Variants in MCIDAS observed in about 807,000 individuals in gnomAD.
The protein encoded by MCIDAS is multicilin.
Under a neutral mutation model 35.4 loss-of-function variants are expected in MCIDAS, and 23 were observed. That is an observed-to-expected ratio of 0.65 (90% CI 0.47 to 0.92). MCIDAS has a LOEUF of 0.92. Among genes scored for constraint, MCIDAS ranks in the 40% least tolerant of loss-of-function variants. The pLI, the probability that MCIDAS is intolerant of heterozygous loss-of-function variation, is 0.00. For synonymous variants in MCIDAS, 228 were observed against 235.2 expected (o/e 0.97, Z 0.28); for missense variants, 480 against 531.8 (o/e 0.90, Z 0.96).
In MCIDAS at chr5:55,223,388, C is replaced by T. The variant is rs1745398033; in HGVS notation, c.310-365G>A. 6.6e-6 allele frequency among the ~76,000 whole-genome samples: 1 copy of T among 152,194 alleles called. No individual in the cohort carries two copies. Among genetic ancestry groups the T allele is most frequent in the Admixed American group, 6.5e-5 (1 of 15,280 alleles). On this transcript the variant is annotated intron_variant, in intron 3 of 6. Coordinates refer to ENST00000513312, the MANE Select transcript of MCIDAS (RefSeq NM_001190787.3). This position sits in a 1 kb window ranked among gnomAD's most constrained non-coding sequence, Gnocchi z 4.4. The stretch of plus-strand genomic sequence containing the variant: ...TGACTGGGGGAAGGGGGCAGCAGTT[C>T]GCGGCTCCTGCAGAGCAGCTGCGTG...
Position 55,222,157 on chromosome 5 carries a change from G to A in MCIDAS, c.606+19C>T, listed in dbSNP as rs1314198754. 1 of 1,532,372 alleles carries A rather than the reference G, an allele frequency of 6.5e-7. No homozygotes were observed. Among genetic ancestry groups the A allele is most frequent in the Admixed American group, 2.0e-5 (1 of 50,986 alleles). The allele number at this position is 1,532,372 out of a possible 1,614,324, so 94.9% of individuals were successfully genotyped here. The stretch of plus-strand genomic sequence containing the variant: ...TGTCCCTGCCCCAGGATTCCTGGTC[G>A]CCAGACCAGTGTCCCTACTTGATTA... On this transcript the variant is annotated intron_variant, in intron 5 of 6. Transcript: ENST00000513312.
rs1179444834 is a variant in MCIDAS at position 55,220,760 on chromosome 5, G to A, written c.764C>T (p.Pro255Leu). The change falls in exon 7 of 7, where the codon CCC (proline) becomes CTC (leucine). Residue 255 changes from proline to leucine, a missense_variant. Transcript: ENST00000513312. ...QSRDCGAAAE[P>L]FLLKAKAKRS... ...TTTGGCCTTCGCCTTGAGCAGGAAGGGCTCGGCCGCCGCCCCACAATCCCG... is the reference window on the plus strand; with the variant it reads ...TTTGGCCTTCGCCTTGAGCAGGAAGAGCTCGGCCGCCGCCCCACAATCCCG... The A allele has an allele frequency of 6.5e-7, 1 of 1,534,054 alleles. No individual in the cohort carries two copies. The highest frequency in any genetic ancestry group is 1.2e-5 in the South Asian group (1 of 84,034).
chr5:55,222,536 T>G (rs1335258043), intron 4 of MCIDAS, 137 bp from the exon 5 acceptor site: 1 of 696,582 alleles, frequency 1.4e-6, no homozygotes, highest in African/African-American at 1.8e-5. Context: ...CCTAAACGCC[T>G]GATTACGAGG....
chr5:55,220,430 T>G lies in MCIDAS; in HGVS notation c.1094A>C (p.Gln365Pro). 1 of 1,536,076 alleles carries G rather than the reference T, an allele frequency of 6.5e-7. No homozygotes were observed. The highest frequency in any genetic ancestry group is 8.7e-7 in the Non-Finnish European group (1 of 1,146,902). ...TGTTCTGATGGTGAAGGCATTGCCC[T>G]GGGGGAAGGCGAGGGTGCGGATGGT... ...HSTIRTLAFP[Q>P]GNAFTIRTAN... Residue 365 changes from glutamine (Q) to proline (P), a missense_variant, in exon 7 of 7, where the codon CAG (glutamine) becomes CCG (proline). Transcript: ENST00000513312.
At position 55,223,462 on chromosome 5, in the gene MCIDAS, CG is replaced by C. The variant is rs1561116089; in HGVS notation, c.310-440del. ...CGGTGCGGCGGCCCTGCGCCGGCTC[CG>C]GGCAGCCGAGTAGCCCGCCACCCAC... On this transcript the variant is annotated intron_variant, in intron 3 of 6. Coordinates refer to ENST00000513312, the MANE Select transcript of MCIDAS (RefSeq NM_001190787.3). The surrounding 1 kb of genome is among the most constrained non-coding windows in gnomAD (Gnocchi z 4.4). Among the ~76,000 whole-genome samples the C allele has an allele frequency of 6.6e-6, 1 of 152,192 alleles. No individual in the cohort carries two copies. The highest frequency in any genetic ancestry group is 6.5e-5 in the Admixed American group (1 of 15,288).
rs1426671309 is a variant in MCIDAS, at chr5:55,223,813, C to A, written c.310-790G>T. The stretch of plus-strand genomic sequence containing the variant: ...CACAGCCAGTGCGGCCTCCATTGCT[C>A]TTTCAGTTTCCCAAAAAGTTGGGAG... On this transcript the variant is annotated intron_variant, in intron 3 of 6. Coordinates refer to ENST00000513312, the MANE Select transcript of MCIDAS (RefSeq NM_001190787.3). The surrounding 1 kb of genome is among the most constrained non-coding windows in gnomAD (Gnocchi z 4.4). Among the ~76,000 whole-genome samples, 1 of 152,192 alleles carries A rather than the reference C, an allele frequency of 6.6e-6. No individual in the cohort carries two copies. Among genetic ancestry groups the A allele is most frequent in the East Asian group, 1.9e-4 (1 of 5,176 alleles).
chr5:55,227,124 C>A lies in MCIDAS; in HGVS notation c.15G>T (p.Gly5=). Residue 5 remains glycine, a synonymous_variant, in exon 1 of 7, where the codon GGG becomes GGT. Coordinates refer to ENST00000513312, the MANE Select transcript of MCIDAS (RefSeq NM_001190787.3). ...AGGCCCGACGGCCGGCCGCGCCGCC[C>A]CCGCACGCCTGCATTGTGCCTCCTG... MQAC[G]GGAAGRRAFD... 1 of 1,475,430 alleles carries A rather than the reference C, an allele frequency of 6.8e-7. No homozygotes were observed. The highest frequency in any genetic ancestry group is 8.9e-7 in the Non-Finnish European group (1 of 1,121,108). 91.4% of individuals were successfully genotyped at this position (1,475,430 alleles called of 1,614,324 possible).
intron 3 of MCIDAS, among the ~76,000 whole-genome samples, chr5:55,224,298 AC>A (rs1353073962): frequency 6.6e-6 from 1 of 152,004 alleles, no homozygotes; most frequent in African/African-American, 2.4e-5. Context: ...TACTGAATGC[AC>A]TGTTGATTCA....
At chr5:55,226,985 G>A in intron 1 of MCIDAS, 34 bp downstream of exon 1, 1 of 1,508,130 alleles carries the variant, frequency 6.6e-7, no homozygotes, top group African/African-American at 1.4e-5. Flanking sequence ...CACCGAGCGC[G>A]CAGACCCCGC....
rs1580406469 is a variant in MCIDAS, at chr5:55,226,879, G to T, written c.173C>A (p.Ser58Ter). The change falls in exon 2 of 7, where the codon TCG (serine) becomes TAG (stop). Residue 58 changes from serine to a stop codon, truncating the protein, a stop_gained. Coordinates refer to ENST00000513312, the MANE Select transcript of MCIDAS (RefSeq NM_001190787.3). LOFTEE classifies it high-confidence loss of function. Reference protein sequence around the residue: ...FPGCTGGSPVSVYEDPPDAEP... With the variant: ...FPGCTGGSPV ...GGCGTCCGGGGGATCCTCGTACACC[G>T]ACACCGGGCTCCCGCCTGTGCATCC... The T allele has an allele frequency of 1.4e-6, 2 of 1,408,916 alleles. No homozygotes were observed. The highest frequency in any genetic ancestry group is 1.8e-6 in the Non-Finnish European group (2 of 1,087,564). 87.3% of individuals were successfully genotyped at this position (1,408,916 alleles called of 1,614,324 possible). A position where few individuals can be genotyped will look rare whatever the true frequency, so the allele number is the denominator to read the frequency against.
Position 55,220,358 on chromosome 5 carries a change from A to G in MCIDAS, c.*8T>C, listed in dbSNP as rs117929787. On this transcript the variant is annotated 3_prime_UTR_variant, in exon 7 of 7. Transcript: ENST00000513312. ...ACAGGGCAGTGTTTTGGGGGACCAC[A>G]TCACAGCTCAACTGGGGACCCAGCG... 13,846 of 1,529,672 alleles carry G rather than the reference A, an allele frequency of 9.1e-3. 117 individuals carry two copies. The highest frequency in any genetic ancestry group is 0.054 in the East Asian group (2,211 of 40,786). 94.8% of individuals were successfully genotyped at this position (1,529,672 alleles called of 1,614,324 possible). A position where few individuals can be genotyped will look rare whatever the true frequency, so the allele number is the denominator to read the frequency against.
intron 5 of MCIDAS, 56 bp from the exon 6 acceptor site, chr5:55,221,182 A>G: frequency 7.8e-7 from 1 of 1,289,722 alleles, no homozygotes; most frequent in Non-Finnish European, 1.1e-6. Flanking sequence ...TCTCGTCTGC[A>G]TATCTGGCAT....
intron 3 of MCIDAS, among the ~76,000 whole-genome samples, chr5:55,225,447 A>G (rs1622010): frequency 0.32 from 48,571 of 152,042 alleles, 7,987 homozygotes; most frequent in East Asian, 0.45. Context: ...GTTGGAAGAT[A>G]CTCAGGCATT....
At chr5:55,221,892 T>C (rs1745363655) in intron 5 of MCIDAS, among the ~76,000 whole-genome samples, 1 of 151,626 alleles carries the variant, frequency 6.6e-6, no homozygotes. Flanking sequence ...GCCACTGCAC[T>C]CCAGCCTGGG....
Position 55,227,071 on chromosome 5 carries a change from A to C in MCIDAS, c.68T>G (p.Leu23Arg), listed in dbSNP as rs1394102512. ...AFDSICPNRMLALPGRALLCK... is the reference protein window; with the variant it reads ...AFDSICPNRMRALPGRALLCK... ...GAGCAGCGCCCGGCCCGGCAGTGCC[A>C]GCATTCTGTTGGGGCAGATGCTGTC... Residue 23 changes from leucine (L) to arginine (R), a missense_variant, in exon 1 of 7, where the codon CTG (leucine) becomes CGG (arginine). Transcript: ENST00000513312. 3.3e-6 allele frequency: 5 copies of C among 1,520,302 alleles called. No individual in the cohort carries two copies. The highest frequency in any genetic ancestry group is 4.4e-6 in the Non-Finnish European group (5 of 1,140,668). 94.2% of individuals were successfully genotyped at this position (1,520,302 alleles called of 1,614,324 possible).
In MCIDAS at chr5:55,226,925, G is replaced by C. The variant is rs1374406836; in HGVS notation, c.127C>G (p.Pro43Ala). 2 of 1,439,008 alleles carry C rather than the reference G, an allele frequency of 1.4e-6. No homozygotes were observed. Among genetic ancestry groups the C allele is most frequent in the African/African-American group, 3.0e-5 (2 of 67,210 alleles). 89.1% of individuals were successfully genotyped at this position (1,439,008 alleles called of 1,614,324 possible). A position where few individuals can be genotyped will look rare whatever the true frequency, so the allele number is the denominator to read the frequency against. ...CATCCGGGGAAGAACTTCCGCGGAG[G>C]AGCGAACTGGCCGGGCACACAAACG... Reference protein sequence around the residue: ...KPGKPERKFAPPRKFFPGCTG... With the variant: ...KPGKPERKFAAPRKFFPGCTG... Residue 43 changes from proline (P) to alanine (A), a missense_variant, in exon 2 of 7, where the codon CCT becomes GCT. Coordinates refer to ENST00000513312, the MANE Select transcript of MCIDAS (RefSeq NM_001190787.3).
At position 55,226,612 on chromosome 5, in the gene MCIDAS, G is replaced by A. The variant is rs1313433366; in HGVS notation, c.273C>T (p.Ser91=). The change falls in exon 3 of 7, where the codon TCC becomes TCT. Residue 91 remains serine, a synonymous_variant. Coordinates refer to ENST00000513312, the MANE Select transcript of MCIDAS (RefSeq NM_001190787.3). ...DLADCSSLLG[S]DAPPGGDLAA... is the part of the protein sequence containing the mutation. Reference sequence around the variant, plus strand: ...CCAGGTCACCACCAGGCGGCGCGTCGGACCCGAGTAGCGAAGAGCAGTCAG... The same window carrying A: ...CCAGGTCACCACCAGGCGGCGCGTCAGACCCGAGTAGCGAAGAGCAGTCAG... The A allele has an allele frequency of 4.6e-6, 7 of 1,532,502 alleles. No individual in the cohort carries two copies. The African/African-American group carries it at 9.6e-5, about 21-fold the overall frequency. 94.9% of individuals were successfully genotyped at this position (1,532,502 alleles called of 1,614,324 possible).
At chr5:55,222,533 G>C (rs1052770212) in intron 4 of MCIDAS, 134 bp from the exon 5 acceptor site, 2 of 710,932 alleles carry the variant, frequency 2.8e-6, no homozygotes, top group East Asian at 2.8e-5. Flanking sequence ...ACTCCTAAAC[G>C]CCTGATTACG....
At position 55,221,116 on chromosome 5, in the gene MCIDAS, G is replaced by A; in HGVS notation, c.617C>T (p.Thr206Ile). Residue 206 changes from threonine (T) to isoleucine (I), a missense_variant, in exon 6 of 7, where the codon ACA becomes ATA. Coordinates refer to ENST00000513312, the MANE Select transcript of MCIDAS (RefSeq NM_001190787.3). ...ALVENNQLHV[T>I]LTQKQEEIAS... ...GATCTCCTCCTGTTTCTGGGTCAAT[G>A]TCACGTGCAGCTGCAGGAGGAGACC... 6.5e-7 allele frequency: 1 copy of A among 1,536,026 alleles called. No homozygotes were observed. The highest frequency in any genetic ancestry group is 8.7e-7 in the Non-Finnish European group (1 of 1,146,810).
Sources: gnomAD v4.1 joint callset for allele counts (sites outside exome capture counted in the v4.1 genomes callset) on GRCh38, gnomAD v4.1.1 for gene constraint, Gnocchi (gnomAD v3.1) non-coding constraint, MANE v1.5 for transcripts, NCBI Gene and HGNC (gene_info 2026-07-23, HGNC 2026-07-21) for gene names.